INPP5A: variants seen among roughly 807,000 people sequenced by gnomAD.
INPP5A encodes the protein inositol polyphosphate-5-phosphatase A.
Under a neutral mutation model 65.2 loss-of-function variants are expected in INPP5A, and 14 were observed. That is an observed-to-expected ratio of 0.21 (90% CI 0.14 to 0.34). The LOEUF is 0.34. Among genes scored for constraint, INPP5A ranks in the 10% least tolerant of loss-of-function variants. The probability of loss-of-function intolerance (pLI) is 1.00; values close to 1 mark genes in which losing one functional copy is unlikely to be tolerated. For missense variants in INPP5A, 431 were observed against 545.6 expected, an observed-to-expected ratio of 0.79 and a Z score of 2.09; for synonymous variants, 207 against 208.3, an observed-to-expected ratio of 0.99 and a Z score of 0.05.
At chr10:132,612,943 C>T (rs1590868350) in intron 2 of INPP5A, among the ~76,000 whole-genome samples, 2 of 152,234 alleles carry the variant, frequency 1.3e-5, no homozygotes, top group South Asian at 4.1e-4. Context: ...AGTTCCCGCG[C>T]ATTCGGGTCT....
At chr10:132,713,181 T>G (rs1845679225) in intron 8 of INPP5A, among the ~76,000 whole-genome samples, 2 of 152,030 alleles carry the variant, frequency 1.3e-5, no homozygotes, top group South Asian at 2.1e-4. Context: ...TGTGCATTTG[T>G]GGGTATGTGC....
At chr10:132,779,745 C>T (rs1018971038) in intron 13 of INPP5A, among the ~76,000 whole-genome samples, 1 of 152,324 alleles carries the variant, frequency 6.6e-6, no homozygotes, top group South Asian at 2.1e-4. Flanking sequence ...GCGCCGGGCG[C>T]GCTCCGCAGC....
intron 1 of INPP5A, among the ~76,000 whole-genome samples, chr10:132,540,578 C>T (rs1005473164): frequency 3.9e-5 from 6 of 152,248 alleles, no homozygotes; most frequent in East Asian, 1.9e-4. Context: ...TCCCAGGCCC[C>T]CTTCCTTGGT....
intron 1 of INPP5A, among the ~76,000 whole-genome samples, chr10:132,592,810 G>A (rs1305677482): frequency 2.0e-5 from 3 of 152,250 alleles, no homozygotes; most frequent in African/African-American, 7.2e-5. Context: ...AGGTGGCCAC[G>A]GATGTCGTGG....
intron 9 of INPP5A, among the ~76,000 whole-genome samples, chr10:132,740,136 A>G (rs1212589247): frequency 6.6e-6 from 1 of 152,210 alleles, no homozygotes; most frequent in African/African-American, 2.4e-5. Context: ...GGAATGGCTA[A>G]CCCCACGGGA....
intron 1 of INPP5A, among the ~76,000 whole-genome samples, chr10:132,563,368 G>A (rs1043950626): frequency 2.6e-5 from 4 of 152,164 alleles, no homozygotes; most frequent in African/African-American, 7.2e-5. Context: ...CGGGTGCTGC[G>A]GGAGCCTTTT....
chr10:132,726,796 T>C, intron 8 of INPP5A, 25 bp from the exon 9 acceptor site: 1 of 1,567,440 alleles, frequency 6.4e-7, no homozygotes, highest in Non-Finnish European at 8.7e-7. Flanking sequence ...GCGCCCTCGG[T>C]AACAAGTCCT....
chr10:132,744,139 C>T (rs564253062), intron 9 of INPP5A, among the ~76,000 whole-genome samples: 1 of 152,236 alleles, frequency 6.6e-6, no homozygotes, highest in Non-Finnish European at 1.5e-5. Flanking sequence ...AGCTTCTGTG[C>T]CTGCTGAGGG....
rs936965934 is a variant in INPP5A at position 132,537,905 on chromosome 10, G to A, written c.-192G>A. The A allele has an allele frequency of 4.7e-6, 1 of 213,232 alleles. No homozygotes were observed. Among genetic ancestry groups the A allele is most frequent in the Non-Finnish European group, 9.3e-6 (1 of 108,042 alleles). The allele number at this position is 213,232 out of a possible 1,614,324, so 13.2% of individuals were successfully genotyped here. On this transcript the variant is annotated 5_prime_UTR_variant, in exon 1 of 16. Transcript: ENST00000368594. Reference sequence around the variant, plus strand: ...GACGGGCGCGGGGCCGCGGAGCAGCGAGCGAGCGAGCGAGCGCGAGGCCGG... The same window carrying A: ...GACGGGCGCGGGGCCGCGGAGCAGCAAGCGAGCGAGCGAGCGCGAGGCCGG...
At chr10:132,710,299 G>T in intron 7 of INPP5A, 38 bp from the exon 8 acceptor site, 1 of 1,607,078 alleles carries the variant, frequency 6.2e-7, no homozygotes. Context: ...CGGAGGCTCC[G>T]GCCCTTGGTG....
At chr10:132,684,050 A>T (rs1411912411) in intron 4 of INPP5A, among the ~76,000 whole-genome samples, 1 of 152,224 alleles carries the variant, frequency 6.6e-6, no homozygotes, top group African/African-American at 2.4e-5. Context: ...ATTATTATGT[A>T]GCATTCAAAA....
chr10:132,630,108 C>T (rs2133372075), intron 2 of INPP5A, among the ~76,000 whole-genome samples: 1 of 152,136 alleles, frequency 6.6e-6, no homozygotes, highest in East Asian at 1.9e-4. Flanking sequence ...AGAAAGGCAT[C>T]TATGAGGGGA....
At chr10:132,692,670 T>C (rs1217350475) in intron 5 of INPP5A, among the ~76,000 whole-genome samples, 1 of 152,216 alleles carries the variant, frequency 6.6e-6, no homozygotes, top group South Asian at 2.1e-4. Context: ...TAAAGCATTA[T>C]AAGAAGAAGA....
At chr10:132,746,817 G>A (rs1029091469) in intron 9 of INPP5A, among the ~76,000 whole-genome samples, 19 of 152,224 alleles carry the variant, frequency 1.2e-4, no homozygotes, top group Admixed American at 3.9e-4. Flanking sequence ...TAGGCGAGCC[G>A]GAAAGGCCCA....
chr10:132,571,475 T>A lies in INPP5A; in HGVS notation c.75+33304T>A, dbSNP rs180987675. The stretch of plus-strand genomic sequence containing the variant: ...CCCAGCTCCTGCCGCTGTGTGTGGT[T>A]CTGGGTCACTCAGGACCACTGATAA... On this transcript the variant is annotated intron_variant, in intron 1 of 15. Coordinates refer to ENST00000368594, the MANE Select transcript of INPP5A (RefSeq NM_005539.5). Among the ~76,000 whole-genome samples, 531 of 152,376 alleles carry A rather than the reference T, an allele frequency of 3.5e-3. 3 individuals are homozygous for A. Among genetic ancestry groups the A allele is most frequent in the Non-Finnish European group, 2.7e-3 (181 of 68,030 alleles).
At chr10:132,572,134 C>T (rs1228978480) in intron 1 of INPP5A, among the ~76,000 whole-genome samples, 1 of 152,216 alleles carries the variant, frequency 6.6e-6, no homozygotes, top group East Asian at 1.9e-4. Flanking sequence ...AAAGGTGACT[C>T]ATCCAAGAGC....
chr10:132,542,167 G>A (rs779110469), intron 1 of INPP5A, among the ~76,000 whole-genome samples: 1 of 152,264 alleles, frequency 6.6e-6, no homozygotes, highest in Non-Finnish European at 1.5e-5. Flanking sequence ...TATCTGCCTG[G>A]TGGCCCTTCC....
chr10:132,695,455 C>T (rs1845330799), intron 5 of INPP5A, among the ~76,000 whole-genome samples: 1 of 152,236 alleles, frequency 6.6e-6, no homozygotes, highest in Admixed American at 6.5e-5. Flanking sequence ...GATGCCTCCT[C>T]TCCTACTTCT....
At chr10:132,554,956 C>A (rs2071107336) in intron 1 of INPP5A, among the ~76,000 whole-genome samples, 1 of 111,548 alleles carries the variant, frequency 9.0e-6, no homozygotes, top group Admixed American at 1.0e-4. Flanking sequence ...GTAGCATGGT[C>A]CATGTGGGTG....
Sources: gnomAD v4.1 joint callset for allele counts (sites outside exome capture counted in the v4.1 genomes callset) on GRCh38, gnomAD v4.1.1 for gene constraint, MANE v1.5 for transcripts, NCBI Gene and HGNC (gene_info 2026-07-23, HGNC 2026-07-21) for gene names.